ROBO2: variants seen among roughly 807,000 people sequenced by gnomAD.
The protein encoded by ROBO2 is roundabout guidance receptor 2.
A neutral mutation model predicts 160.8 loss-of-function variants in ROBO2; 53 were observed. That is an observed-to-expected ratio of 0.33 (90% CI 0.26 to 0.41). The LOEUF (loss-of-function observed/expected upper bound fraction) is 0.41, where lower values mean the gene tolerates loss of function less well. Ranked by LOEUF, ROBO2 falls within the 10% of genes least tolerant of loss-of-function variation. The probability of loss-of-function intolerance (pLI) is 1.00; values close to 1 mark genes in which losing one functional copy is unlikely to be tolerated. For synonymous variants in ROBO2, 664 were observed against 611.7 expected (o/e 1.09, Z -1.26); for missense variants, 1,577 against 1,722.4 (o/e 0.92, Z 1.49).
At chr3:77,400,877 A>G (rs558556432) in intron 2 of ROBO2, among the ~76,000 whole-genome samples, 35 of 152,138 alleles carry the variant, frequency 2.3e-4, no homozygotes, top group Non-Finnish European at 5.1e-4. Context: ...ATTACAATTC[A>G]ATGTTTTTCT....
chr3:76,574,947 C>T (rs1363108134), intron 2 of ROBO2, among the ~76,000 whole-genome samples: 2 of 152,088 alleles, frequency 1.3e-5, no homozygotes, highest in Non-Finnish European at 2.9e-5. Context: ...TCTATCTAGC[C>T]TTTCAAAATT....
At chr3:77,143,673 C>G (rs2076901838) in intron 2 of ROBO2, among the ~76,000 whole-genome samples, 1 of 152,066 alleles carries the variant, frequency 6.6e-6, no homozygotes. Context: ...CATTTTTAAC[C>G]TAAGTAGAGA....
intron 24 of ROBO2, among the ~76,000 whole-genome samples, chr3:77,636,420 C>T (rs1406090271): frequency 6.6e-6 from 1 of 151,886 alleles, no homozygotes; most frequent in Admixed American, 6.6e-5. Context: ...GGTGAAACCC[C>T]CTCTCTACTA....
chr3:76,242,265 C>T (rs2107519630), intron 2 of ROBO2, among the ~76,000 whole-genome samples: 1 of 152,292 alleles, frequency 6.6e-6, no homozygotes, highest in South Asian at 2.1e-4. Context: ...ACTAAAAACA[C>T]AACTGCCCCC....
chr3:76,811,831 TTCCTTCTTTCCTTCCTTCC>T (rs2065203003), intron 2 of ROBO2, among the ~76,000 whole-genome samples: 9 of 54,664 alleles, frequency 1.6e-4, no homozygotes, highest in East Asian at 4.5e-4. Context: ...CCTTCCTTCC[TTCCTTCTTTCCTTCCTTCC>T]TTCCTTCCTT....
intron 2 of ROBO2, among the ~76,000 whole-genome samples, chr3:76,871,345 G>C (rs1448133694): frequency 6.6e-6 from 1 of 151,764 alleles, no homozygotes; most frequent in African/African-American, 2.4e-5. Context: ...ACGAGGTCAG[G>C]AGATCGAGAC....
At chr3:76,866,264 C>T (rs2071362134) in intron 2 of ROBO2, among the ~76,000 whole-genome samples, 1 of 152,088 alleles carries the variant, frequency 6.6e-6, no homozygotes, top group African/African-American at 2.4e-5. Context: ...GGATATGTAG[C>T]TGTCCAATAA....
At chr3:77,008,423 C>T (rs1487071658) in intron 2 of ROBO2, among the ~76,000 whole-genome samples, 3 of 152,126 alleles carry the variant, frequency 2.0e-5, no homozygotes, top group Non-Finnish European at 4.4e-5. Flanking sequence ...ATGACTGACT[C>T]ATATTCCAAA....
chr3:77,048,864 G>A (rs2064946872), intron 1 of ROBO2, among the ~76,000 whole-genome samples: 1 of 152,190 alleles, frequency 6.6e-6, no homozygotes, highest in South Asian at 2.1e-4. Context: ...TGCACTGTTA[G>A]CTTCCCTAGT....
At chr3:75,927,976 CTTTTTTTTTTTTTT>C (rs71101865) in intron 1 of ROBO2, among the ~76,000 whole-genome samples, 2 of 104,002 alleles carry the variant, frequency 1.9e-5, no homozygotes, top group Non-Finnish European at 3.6e-5. Flanking sequence ...GATTTTCTCT[CTTTTTTTTTTTTTT>C]TTTTTTTTTT....
chr3:76,580,328 G>GTTTTTTTTTTTTTTTTTTTTTTTTTTT (rs748888426), intron 2 of ROBO2, among the ~76,000 whole-genome samples: 8 of 67,318 alleles, frequency 1.2e-4, no homozygotes, highest in Admixed American at 5.1e-4. Flanking sequence ...TTTTTTTTTT[G>GTTTTTTTTTTTTTTTTTTTTTTTTTTT]TTTTTTTTTT....
At chr3:77,196,282 G>A (rs2082299798) in intron 2 of ROBO2, among the ~76,000 whole-genome samples, 1 of 150,984 alleles carries the variant, frequency 6.6e-6, no homozygotes, top group South Asian at 2.1e-4. Context: ...CAATACTACG[G>A]TATTTGAATG....
intron 2 of ROBO2, among the ~76,000 whole-genome samples, chr3:76,967,805 A>T (rs1212201609): frequency 6.6e-6 from 1 of 152,130 alleles, no homozygotes; most frequent in Non-Finnish European, 1.5e-5. Flanking sequence ...TCAGCAACCG[A>T]AAGTGTTAGG....
At chr3:76,069,538 T>TTC (rs909701069) in intron 2 of ROBO2, among the ~76,000 whole-genome samples, 16 of 151,086 alleles carry the variant, frequency 1.1e-4, no homozygotes, top group African/African-American at 3.9e-4. Flanking sequence ...TTTTTTTTTT[T>TTC]CCTGAAAGAA....
chr3:77,050,600 T>C (rs1291962738), intron 1 of ROBO2, among the ~76,000 whole-genome samples: 4 of 151,740 alleles, frequency 2.6e-5, no homozygotes, highest in Admixed American at 2.0e-4. Context: ...TGGTTTTTTT[T>C]CCCCATGCAA....
At chr3:76,881,219 C>G (rs868111592) in intron 2 of ROBO2, among the ~76,000 whole-genome samples, 100 of 152,256 alleles carry the variant, frequency 6.6e-4, no homozygotes, top group African/African-American at 2.3e-3. Flanking sequence ...GAGAATTATA[C>G]AAGAGCTAAT....
chr3:76,539,388 C>T lies in ROBO2; in HGVS notation c.110-558626C>T, dbSNP rs151013973. Among the ~76,000 whole-genome samples, 24 of 151,598 alleles carry T rather than the reference C, an allele frequency of 1.6e-4. No individual in the cohort carries two copies. In the East Asian group the frequency reaches 4.5e-3, roughly 28 times the overall value. ...AAAAAAAAAAAAAAGAATGCTAGCACGCTGTCAATAAAGATTCTGCATTGT... is the reference window on the plus strand; with the variant it reads ...AAAAAAAAAAAAAAGAATGCTAGCATGCTGTCAATAAAGATTCTGCATTGT... On this transcript the variant is annotated intron_variant, in intron 2 of 26. Transcript: ENST00000487694.
chr3:76,806,241 G>A (rs2064702533), intron 2 of ROBO2, among the ~76,000 whole-genome samples: 1 of 151,192 alleles, frequency 6.6e-6, no homozygotes, highest in Non-Finnish European at 1.5e-5. Context: ...GTGTGTGTGT[G>A]TGTTACTATA....
intron 1 of ROBO2, among the ~76,000 whole-genome samples, chr3:77,057,697 A>G (rs1246958597): frequency 6.7e-6 from 1 of 149,074 alleles, no homozygotes; most frequent in Non-Finnish European, 1.5e-5. Context: ...CAGCCTCCCG[A>G]GTAGCTGGGA....
Sources: gnomAD v4.1 joint callset for allele counts (sites outside exome capture counted in the v4.1 genomes callset) on GRCh38, gnomAD v4.1.1 for gene constraint, MANE v1.5 for transcripts, NCBI Gene and HGNC (gene_info 2026-07-23, HGNC 2026-07-21) for gene names.